Variants in PSME4 observed in about 807,000 individuals in gnomAD.
PSME4 encodes the protein proteasome activator complex subunit 4.
Under a neutral mutation model 253.9 loss-of-function variants are expected in PSME4, and 89 were observed. The ratio of observed to expected loss-of-function variants is 0.35; its 90% CI spans 0.30 to 0.42. The LOEUF (loss-of-function observed/expected upper bound fraction) is 0.42, where lower values mean the gene tolerates loss of function less well. PSME4 is among the 10% of genes least tolerant of loss of function. The probability of loss-of-function intolerance (pLI) is 1.00; values close to 1 mark genes in which losing one functional copy is unlikely to be tolerated. For missense variants in PSME4, 2,014 were observed against 2,195.2 expected (o/e 0.92, Z 1.65); for synonymous variants, 851 against 759.2 (o/e 1.12, Z -1.99).
intron 1 of PSME4, among the ~76,000 whole-genome samples, chr2:53,953,366 G>A (rs1449603122): frequency 6.6e-6 from 1 of 151,468 alleles, no homozygotes; most frequent in Non-Finnish European, 1.5e-5. Flanking sequence ...TTAAAAATGG[G>A]CAAAAAGGCT....
chr2:53,919,024 T>TA, intron 20 of PSME4, 127 bp downstream of exon 20: 1 of 917,940 alleles, frequency 1.1e-6, no homozygotes, highest in Non-Finnish European at 1.6e-6. Context: ...TTTTTGACCT[T>TA]AACAGTGACA....
At chr2:53,893,924 C>A in intron 34 of PSME4, 125 bp from the exon 35 acceptor site, 2 of 1,363,446 alleles carry the variant, frequency 1.5e-6, no homozygotes, top group Non-Finnish European at 1.9e-6. Context: ...TCCATGAATT[C>A]TTAGTTCTCA....
At chr2:53,924,784 C>G (rs915671041) in intron 14 of PSME4, among the ~76,000 whole-genome samples, 28 of 152,084 alleles carry the variant, frequency 1.8e-4, no homozygotes, top group Non-Finnish European at 2.9e-5. Context: ...ACAGTTGTTT[C>G]TTGTTGTTCA....
intron 40 of PSME4, 105 bp downstream of exon 40, chr2:53,887,154 T>C: frequency 2.9e-6 from 3 of 1,035,548 alleles, no homozygotes; most frequent in Non-Finnish European, 4.3e-6. Context: ...CAGTAAATTT[T>C]TCATTATGTC....
At chr2:53,898,633 GCACACA>G (rs199900623) in intron 29 of PSME4, among the ~76,000 whole-genome samples, 1,933 of 142,464 alleles carry the variant, frequency 0.014, 40 homozygotes, top group African/African-American at 0.039. Flanking sequence ...ATTGGGAGTG[GCACACA>G]CACACACACA....
rs1344292489 is a variant in PSME4 at position 53,869,497 on chromosome 2, C to T, written c.5142G>A (p.Gln1714=). 1 of 1,568,666 alleles carries T rather than the reference C, an allele frequency of 6.4e-7. No homozygotes were observed. Among genetic ancestry groups the T allele is most frequent in the Admixed American group, 1.7e-5 (1 of 59,662 alleles). Residue 1714 remains glutamine, a synonymous_variant, in exon 44 of 47, where the codon CAG becomes CAA. Transcript: ENST00000404125. Reference sequence around the variant, plus strand: ...GACTGTCCATGGTAAGAAAGTTACACTGTAGCAGACCGCTTAAGGTAGTAG... The same window carrying T: ...GACTGTCCATGGTAAGAAAGTTACATTGTAGCAGACCGCTTAAGGTAGTAG... ...MAATTLSGLL[Q]CNFLTMDSPM...
intron 16 of PSME4, 95 bp from the exon 17 acceptor site, chr2:53,922,679 A>C: frequency 7.1e-7 from 1 of 1,400,932 alleles, no homozygotes; most frequent in Non-Finnish European, 9.6e-7. Context: ...CCAATAGCTG[A>C]GGAAAACCTC....
At chr2:53,942,340 C>T (rs1274964941) in intron 3 of PSME4, 2 of 151,900 alleles carry the variant, frequency 1.3e-5, no homozygotes, top group African/African-American at 4.8e-5. Context: ...ATGTATAATA[C>T]TAAAGTGATA....
chr2:53,939,633 G>C (rs1669289373), intron 4 of PSME4, among the ~76,000 whole-genome samples: 1 of 152,110 alleles, frequency 6.6e-6, no homozygotes, highest in African/African-American at 2.4e-5. Flanking sequence ...GTTGAAAAAA[G>C]TTATGAACCA....
rs763988198 is a variant in PSME4, at chr2:53,898,266, A to C, written c.3476+35T>G. On this transcript the variant is annotated intron_variant, in intron 30 of 46. Coordinates refer to ENST00000404125, the MANE Select transcript of PSME4 (RefSeq NM_014614.3). ...AAAACTCCTATAGTATTTATGAAAAATGCTGTGAGAATTACAAAAATCTTT... is the reference window on the plus strand; with the variant it reads ...AAAACTCCTATAGTATTTATGAAAACTGCTGTGAGAATTACAAAAATCTTT... 3 of 1,570,380 alleles carry C rather than the reference A, an allele frequency of 1.9e-6. No homozygotes were observed. In the South Asian group the frequency reaches 3.5e-5, roughly 18 times the overall value.
chr2:53,873,248 G>GAA (rs74452073), intron 43 of PSME4, among the ~76,000 whole-genome samples: 1 of 91,136 alleles, frequency 1.1e-5, no homozygotes, highest in Non-Finnish European at 2.2e-5. Context: ...CAAAAAAAAA[G>GAA]AAAAAAAAAA....
chr2:53,893,691 G>A lies in PSME4; in HGVS notation c.4021C>T (p.Arg1341Cys), dbSNP rs745582343. 8.1e-6 allele frequency: 13 copies of A among 1,609,798 alleles called. No homozygotes were observed. In the African/African-American group the frequency reaches 1.5e-4, roughly 18 times the overall value. ...ATAGTTACCTTAAAGAGGCAAAAAC[G>A]TCGTGGATTAAACTTATCTTTTCCT... Reference protein sequence around the residue: ...RKGKDKFNPRRFCLFKGIFRN... With the variant: ...RKGKDKFNPRCFCLFKGIFRN... Residue 1341 changes from arginine (R) to cysteine (C), a missense_variant, in exon 35 of 47, where the codon CGT becomes TGT. This residue lies in a region of PSME4 where 989 missense variants were observed against 1,021.1 expected (regional missense o/e 0.97). Coordinates refer to ENST00000404125, the MANE Select transcript of PSME4 (RefSeq NM_014614.3).
Position 53,895,742 on chromosome 2 carries a change from G to A in PSME4, c.3689-6C>T, listed in dbSNP as rs1356565985. On this transcript the variant is annotated splice_region_variant and splice_polypyrimidine_tract_variant and intron_variant, in intron 32 of 46. Transcript: ENST00000404125. ...GGTGGGTTTAGGGCATCCACCTAAG[G>A]AAAAGACAATCACATTTGATGAATT... 6.4e-7 allele frequency: 1 copy of A among 1,569,036 alleles called. No homozygotes were observed. The highest frequency in any genetic ancestry group is 8.6e-7 in the Non-Finnish European group (1 of 1,163,106).
Position 53,906,851 on chromosome 2 carries a change from T to C in PSME4, c.2802A>G (p.Gln934=). The C allele has an allele frequency of 3.1e-6, 5 of 1,613,578 alleles. No individual in the cohort carries two copies. Among genetic ancestry groups the C allele is most frequent in the Middle Eastern group, 1.7e-4 (1 of 6,016 alleles). The change falls in exon 25 of 47, where the codon CAA becomes CAG. Residue 934 remains glutamine (Q), a synonymous_variant. Transcript: ENST00000404125. Reference sequence around the variant, plus strand: ...TATCAATCAACAGTGCTCTGATATGTTGTTTTTTCCCATGGAGCTGGAAAA... The same window carrying C: ...TATCAATCAACAGTGCTCTGATATGCTGTTTTTTCCCATGGAGCTGGAAAA... ...SMENRLHGKK[Q]HIRALLIDRV...
At chr2:53,923,236 A>G (rs945493355) in intron 15 of PSME4, 85 bp downstream of exon 15, 1 of 1,459,650 alleles carries the variant, frequency 6.9e-7, no homozygotes. Context: ...ATGCATTTTA[A>G]GCATAGAAGC....
intron 31 of PSME4, 122 bp downstream of exon 31, chr2:53,897,748 T>A (rs577584366): frequency 1.2e-4 from 135 of 1,165,184 alleles, no homozygotes; most frequent in Admixed American, 3.6e-4. Flanking sequence ...AGGGGGAGAT[T>A]TCAAATCAAT....
At chr2:53,913,670 T>C (rs1667929237) in intron 20 of PSME4, among the ~76,000 whole-genome samples, 1 of 152,112 alleles carries the variant, frequency 6.6e-6, no homozygotes, top group Non-Finnish European at 1.5e-5. Context: ...TAGGTAGCAA[T>C]AATAACTATA....
intron 4 of PSME4, among the ~76,000 whole-genome samples, chr2:53,939,389 A>T (rs2104466713): frequency 1.3e-5 from 2 of 152,294 alleles, no homozygotes; most frequent in South Asian, 4.1e-4. Context: ...AACCAAAAAA[A>T]TTAAAATTAA....
intron 32 of PSME4, among the ~76,000 whole-genome samples, chr2:53,896,204 T>C (rs1042716519): frequency 2.0e-5 from 3 of 152,118 alleles, no homozygotes; most frequent in Non-Finnish European, 4.4e-5. Context: ...AATACAATTC[T>C]CAAAAAAGCT....
Sources: gnomAD v4.1 joint callset for allele counts (sites outside exome capture counted in the v4.1 genomes callset) on GRCh38, gnomAD v4.1.1 for gene constraint, gnomAD v4.1.1 regional missense constraint, MANE v1.5 for transcripts, NCBI Gene and HGNC (gene_info 2026-07-23, HGNC 2026-07-21) for gene names.